Variants in ANK2 observed in about 807,000 individuals in gnomAD.
The protein encoded by ANK2 is ankyrin 2.
In ANK2, 83 loss-of-function variants were observed where a neutral mutation model predicts 360.5. The observed-to-expected ratio is 0.23, with a 90% CI of 0.19 to 0.28. The LOEUF (loss-of-function observed/expected upper bound fraction) is 0.28, where lower values mean the gene tolerates loss of function less well. Ranked by LOEUF, ANK2 falls within the 10% of genes least tolerant of loss-of-function variation. The probability of loss-of-function intolerance (pLI) is 1.00; values close to 1 mark genes in which losing one functional copy is unlikely to be tolerated. For synonymous variants in ANK2, 1,740 were observed against 1,759.5 expected (o/e 0.99, Z 0.28); for missense variants, 4,201 against 4,795.7 (o/e 0.88, Z 3.66).
the ANK2 span, among the ~76,000 whole-genome samples, chr4:112,776,575 C>A: frequency 6.6e-6 from 1 of 152,142 alleles, no homozygotes; most frequent in Non-Finnish European, 1.5e-5. Context: ...CAGAACCTTT[C>A]TTGTACTTGC....
At chr4:113,157,345 A>AT (rs1460250550) in intron 1 of ANK2, among the ~76,000 whole-genome samples, 1 of 152,230 alleles carries the variant, frequency 6.6e-6, no homozygotes, top group African/African-American at 2.4e-5. Context: ...ACGTGCTGTT[A>AT]TAGAAACAGA....
Position 113,355,046 on chromosome 4 carries a change from A to C in ANK2, c.6428A>C (p.Glu2143Ala). The C allele has an allele frequency of 6.2e-7, 1 of 1,614,122 alleles. No individual in the cohort carries two copies. Among genetic ancestry groups the C allele is most frequent in the Non-Finnish European group, 8.5e-7 (1 of 1,179,996 alleles). ...GACTTCTCTGAGGTCATTAAGCAAGAGTTGGAAGACAATGACAAATACCAA... is the reference window on the plus strand; with the variant it reads ...GACTTCTCTGAGGTCATTAAGCAAGCGTTGGAAGACAATGACAAATACCAA... ...STDFSEVIKQ[E>A]LEDNDKYQQF... The change falls in exon 38 of 46, where the codon GAG becomes GCG. Residue 2143 changes from glutamate to alanine, a missense_variant. This residue lies in a region of ANK2 where 2,642 missense variants were observed against 2,714.5 expected (regional missense o/e 0.97). Coordinates refer to ENST00000357077, the MANE Select transcript of ANK2 (RefSeq NM_001148.6).
intron 1 of ANK2, among the ~76,000 whole-genome samples, chr4:113,111,811 T>C (rs1267095421): frequency 2.0e-5 from 3 of 152,208 alleles, no homozygotes; most frequent in African/African-American, 7.2e-5. Flanking sequence ...CATTTGAAGA[T>C]TTTGAAGCAG....
intron 2 of ANK2, among the ~76,000 whole-genome samples, chr4:112,973,338 A>G (rs2040248915): frequency 1.3e-5 from 2 of 152,200 alleles, no homozygotes; most frequent in Non-Finnish European, 2.9e-5. Flanking sequence ...GAGCATTTTT[A>G]TCACTCTTTA....
intron 42 of ANK2, among the ~76,000 whole-genome samples, chr4:113,369,027 A>G (rs775087109): frequency 5.3e-5 from 8 of 152,198 alleles, no homozygotes; most frequent in Non-Finnish European, 1.2e-4. Context: ...TGCCTCTATT[A>G]TTAAATAAAA....
intron 2 of ANK2, among the ~76,000 whole-genome samples, chr4:112,915,852 A>G (rs1221986399): frequency 1.3e-5 from 2 of 151,826 alleles, no homozygotes; most frequent in African/African-American, 2.4e-5. Flanking sequence ...AGGCTTTGCA[A>G]TTTTATTTCT....
intron 1 of ANK2, among the ~76,000 whole-genome samples, chr4:113,068,067 A>G (rs2076244571): frequency 6.6e-6 from 1 of 152,184 alleles, no homozygotes; most frequent in African/African-American, 2.4e-5. Context: ...GAAAGCCAAA[A>G]CATAGCATCT....
At chr4:113,063,818 T>A (rs1413341478) in intron 1 of ANK2, among the ~76,000 whole-genome samples, 2 of 152,176 alleles carry the variant, frequency 1.3e-5, no homozygotes, top group African/African-American at 4.8e-5. Context: ...TAGTAGACTT[T>A]GTTTAAATTC....
At chr4:112,793,924 T>C in the ANK2 span, among the ~76,000 whole-genome samples, 1 of 152,156 alleles carries the variant, frequency 6.6e-6, no homozygotes, top group Non-Finnish European at 1.5e-5. Context: ...CTGGAACTCC[T>C]GAACTCAAGT....
chr4:113,298,616 C>A (rs922490975), intron 22 of ANK2, among the ~76,000 whole-genome samples: 1 of 152,212 alleles, frequency 6.6e-6, no homozygotes, highest in Non-Finnish European at 1.5e-5. Flanking sequence ...ATTATTAAAT[C>A]TCTCTTCCAT....
At chr4:112,714,798 A>G in the ANK2 span, among the ~76,000 whole-genome samples, 1 of 152,216 alleles carries the variant, frequency 6.6e-6, no homozygotes, top group East Asian at 1.9e-4. Context: ...TTATGTTTTT[A>G]TAAAGGGGTA....
chr4:112,719,568 T>A, the ANK2 span, among the ~76,000 whole-genome samples: 14 of 151,398 alleles, frequency 9.2e-5, no homozygotes, highest in Non-Finnish European at 1.9e-4. Context: ...CTCTACTAAA[T>A]ATACAAAAAA....
intron 45 of ANK2, among the ~76,000 whole-genome samples, chr4:113,374,002 G>A (rs13142459): frequency 0.091 from 13,796 of 152,252 alleles, 754 homozygotes; most frequent in Middle Eastern, 0.19. Context: ...TGAGCTCACT[G>A]CAACCTCCAC....
At chr4:113,021,541 C>CATATATATATATATATATACAT (rs2058150843) in intron 2 of ANK2, among the ~76,000 whole-genome samples, 1 of 95,572 alleles carries the variant, frequency 1.0e-5, no homozygotes, top group African/African-American at 3.8e-5. Flanking sequence ...CACACACAAA[C>CATATATATATATATATATACAT]ATATATATAT....
In ANK2 at chr4:113,353,931, G is replaced by A. The variant is rs140992864; in HGVS notation, c.5313G>A (p.Lys1771=). Residue 1771 remains lysine, a synonymous_variant, in exon 38 of 46, where the codon AAG becomes AAA. Transcript: ENST00000357077. ...TTGGTTCCATAAAGGACAAAGTAAA[G>A]GCCCTTCAGAAGCGAGTGGAAGATG... ...TPIGSIKDKV[K]ALQKRVEDEQ... 37 of 1,613,936 alleles carry A rather than the reference G, an allele frequency of 2.3e-5. No individual in the cohort carries two copies. The highest frequency in any genetic ancestry group is 3.3e-4 in the Middle Eastern group (2 of 6,080).
At chr4:112,806,711 C>T in the ANK2 span, among the ~76,000 whole-genome samples, 1 of 152,006 alleles carries the variant, frequency 6.6e-6, no homozygotes, top group Non-Finnish European at 1.5e-5. Flanking sequence ...TGCCTGTAGT[C>T]CCAGCTACTT....
At chr4:113,292,883 T>C in intron 21 of ANK2, 1 of 371,916 alleles carries the variant, frequency 2.7e-6, no homozygotes, top group Non-Finnish European at 5.2e-6. Context: ...GCTCATTGAG[T>C]TGTGGAGCCA....
At chr4:113,283,997 T>C (rs183717300) in intron 18 of ANK2, among the ~76,000 whole-genome samples, 35 of 152,318 alleles carry the variant, frequency 2.3e-4, no homozygotes, top group African/African-American at 8.2e-4. Flanking sequence ...CTAGTCTATT[T>C]TCTTGTCACT....
intron 2 of ANK2, among the ~76,000 whole-genome samples, chr4:112,931,019 A>G (rs1005254378): frequency 1.3e-5 from 2 of 152,238 alleles, no homozygotes; most frequent in African/African-American, 4.8e-5. Flanking sequence ...GAGAAGAACT[A>G]CCAGAATTTT....
Sources: gnomAD v4.1 joint callset for allele counts (sites outside exome capture counted in the v4.1 genomes callset) on GRCh38, gnomAD v4.1.1 for gene constraint, gnomAD v4.1.1 regional missense constraint, MANE v1.5 for transcripts, NCBI Gene and HGNC (gene_info 2026-07-23, HGNC 2026-07-21) for gene names.